Variants in BICRA observed in about 807,000 individuals in gnomAD.
BICRA encodes the protein BRD4 interacting chromatin remodeling complex associated protein.
In BICRA, 31 loss-of-function variants were observed where a neutral mutation model predicts 96.9. The observed-to-expected ratio is 0.32, with a 90% CI of 0.24 to 0.43. The LOEUF is 0.43. BICRA is among the 20% of genes least tolerant of loss of function. The pLI is 1.00. For missense variants in BICRA, 2,283 were observed against 2,190.3 expected, an observed-to-expected ratio of 1.04 and a Z score of -0.84; for synonymous variants, 1,350 against 1,071.8, an observed-to-expected ratio of 1.26 and a Z score of -5.07.
At chr19:47,616,638 C>CAA (rs755153037) in intron 1 of BICRA, among the ~76,000 whole-genome samples, 3 of 124,714 alleles carry the variant, frequency 2.4e-5, no homozygotes, top group Non-Finnish European at 5.2e-5. Flanking sequence ...GACTCTGTCT[C>CAA]AAAAAAAAAA....
rs1045727604 is a variant in BICRA, at chr19:47,701,761, C to T, written c.4029C>T (p.Ala1343=). The change falls in exon 15 of 15, where the codon GCC becomes GCT. Residue 1343 remains alanine (A), a synonymous_variant. Coordinates refer to ENST00000594866, the MANE Select transcript of BICRA (RefSeq NM_001394372.1). The surrounding 1 kb of genome is among the most constrained non-coding windows in gnomAD (Gnocchi z 5.4). ...PPPPPATLKV[A]EPPPRPPPPP... is the part of the protein sequence containing the mutation. ...CACCCCCCGCTACCCTCAAGGTGGC[C>T]GAGCCCCCGCCACGGCCGCCACCAC... is the stretch of plus-strand genomic sequence containing the variant. 1.1e-5 allele frequency: 17 copies of T among 1,538,182 alleles called. No individual in the cohort carries two copies. The Admixed American group carries it at 2.2e-4, about 20-fold the overall frequency.
chr19:47,681,910 C>A, intron 6 of BICRA, 66 bp from the exon 7 acceptor site: 1 of 1,115,182 alleles, frequency 9.0e-7, no homozygotes, highest in Middle Eastern at 2.4e-4. Flanking sequence ...GGGCAGGGGT[C>A]TCGGGTGGGG....
Position 47,698,165 on chromosome 19 carries a change from C to T in BICRA, c.3249-469C>T, listed in dbSNP as rs1409363922. The stretch of plus-strand genomic sequence containing the variant: ...CTGCCTGGTGGGGGAGACAGTCACA[C>T]TGCCAACAGACAAAACCCATTGTAA... On this transcript the variant is annotated intron_variant, in intron 11 of 14. Coordinates refer to ENST00000594866, the MANE Select transcript of BICRA (RefSeq NM_001394372.1). The surrounding 1 kb of genome is among the most constrained non-coding windows in gnomAD (Gnocchi z 4.8). Among the ~76,000 whole-genome samples, 4 of 152,120 alleles carry T rather than the reference C, an allele frequency of 2.6e-5. No individual in the cohort carries two copies. The highest frequency in any genetic ancestry group is 6.5e-5 in the Admixed American group (1 of 15,270).
chr19:47,645,551 A>G (rs1051262721), intron 1 of BICRA, among the ~76,000 whole-genome samples: 5 of 152,230 alleles, frequency 3.3e-5, no homozygotes, highest in Admixed American at 3.3e-4. Flanking sequence ...GTCTCTTAAC[A>G]TGAAAAGGTC....
chr19:47,663,797 C>CAA (rs2123564041), intron 1 of BICRA: 1 of 150,280 alleles, frequency 6.7e-6, no homozygotes, highest in Non-Finnish European at 1.5e-5. Flanking sequence ...TCGCAGTACA[C>CAA]ACACACACAC....
At position 47,627,030 on chromosome 19, in the gene BICRA, G is replaced by GTT. The variant is rs199636945; in HGVS notation, c.-108+17866_-108+17867dup. 3.9e-3 allele frequency among the ~76,000 whole-genome samples: 600 copies of GTT among 152,096 alleles called. 2 individuals carry two copies. Among genetic ancestry groups the GTT allele is most frequent in the African/African-American group, 0.013 (560 of 41,498 alleles). The stretch of plus-strand genomic sequence containing the variant: ...AGCCACCGCGCTTGGTCCACCCTGG[G>GTT]TTTTTATTCATCAAGCCTCGCTGCC... On this transcript the variant is annotated intron_variant, in intron 1 of 14. Coordinates refer to ENST00000594866, the MANE Select transcript of BICRA (RefSeq NM_001394372.1).
rs759108617 is a variant in BICRA, at chr19:47,698,805, C to A, written c.3397+23C>A. On this transcript the variant is annotated intron_variant, in intron 12 of 14. Coordinates refer to ENST00000594866, the MANE Select transcript of BICRA (RefSeq NM_001394372.1). The surrounding 1 kb of genome is among the most constrained non-coding windows in gnomAD (Gnocchi z 4.8). ...AAGGTGAGGCCTCCCCAGGACACGG[C>A]CCTATATGTCCCAGGGGACCCCAGC... The A allele has an allele frequency of 8.3e-6, 13 of 1,565,886 alleles. No homozygotes were observed. The highest frequency in any genetic ancestry group is 1.1e-5 in the Non-Finnish European group (13 of 1,150,546).
Position 47,698,650 on chromosome 19 carries a change from C to T in BICRA, c.3265C>T (p.His1089Tyr). The change falls in exon 12 of 15, where the codon CAC becomes TAC. Residue 1089 changes from histidine (H) to tyrosine (Y), a missense_variant. By Grantham distance (83) the His-to-Tyr change is moderately conservative (BLOSUM62 2). Coordinates refer to ENST00000594866, the MANE Select transcript of BICRA (RefSeq NM_001394372.1). This position sits in a 1 kb window ranked among gnomAD's most constrained non-coding sequence, Gnocchi z 4.8. ...SKEACFLEHL[H>Y]KHQGSVLHPD... ...CACCCGCAGTTTCCTGGAGCATTTG[C>T]ACAAACACCAGGGCTCCGTCCTGCA... The T allele has an allele frequency of 6.8e-7, 1 of 1,480,190 alleles. No individual in the cohort carries two copies. Among genetic ancestry groups the T allele is most frequent in the Non-Finnish European group, 9.2e-7 (1 of 1,086,226 alleles). 91.7% of individuals were successfully genotyped at this position (1,480,190 alleles called of 1,614,324 possible). A position where few individuals can be genotyped will look rare whatever the true frequency, so the allele number is the denominator to read the frequency against.
chr19:47,701,431 G>A lies in BICRA; in HGVS notation c.3699G>A (p.Gly1233=), dbSNP rs1383120012. Residue 1233 remains glycine (G), a synonymous_variant, in exon 15 of 15, where the codon GGG becomes GGA. Coordinates refer to ENST00000594866, the MANE Select transcript of BICRA (RefSeq NM_001394372.1). The surrounding 1 kb of genome is among the most constrained non-coding windows in gnomAD (Gnocchi z 5.4). ...GHGPLSSSAP[G]ASTQPPPHLP... ...GCCCCCTGTCGTCTTCAGCTCCCGG[G>A]GCCTCCACCCAGCCCCCTCCACACC... The A allele has an allele frequency of 2.5e-6, 4 of 1,581,230 alleles. No homozygotes were observed. The highest frequency in any genetic ancestry group is 3.4e-6 in the Non-Finnish European group (4 of 1,164,916).
Position 47,699,377 on chromosome 19 carries a change from G to T in BICRA, c.3567G>T (p.Leu1189Phe). 1 of 1,565,852 alleles carries T rather than the reference G, an allele frequency of 6.4e-7. No homozygotes were observed. Residue 1189 changes from leucine to phenylalanine, a missense_variant, in exon 14 of 15, where the codon TTG becomes TTT. Transcript: ENST00000594866. This position sits in a 1 kb window ranked among gnomAD's most constrained non-coding sequence, Gnocchi z 5.0. The part of the protein sequence containing the change: ...FIQEEKTTLA[L>F]DKQLAKEKPD... The stretch of plus-strand genomic sequence containing the variant: ...AGGAGGAGAAGACCACCCTTGCCTT[G>T]GATAAACAGCTGGCCAAGGAGAAGC...
intron 1 of BICRA, among the ~76,000 whole-genome samples, chr19:47,631,428 A>G (rs1007480378): frequency 2.0e-5 from 3 of 152,234 alleles, no homozygotes; most frequent in Admixed American, 1.3e-4. Flanking sequence ...GGGTTTCACC[A>G]TATTGGTCAG....
intron 1 of BICRA, among the ~76,000 whole-genome samples, chr19:47,650,929 T>C (rs1225235401): frequency 6.6e-6 from 1 of 152,204 alleles, no homozygotes; most frequent in Non-Finnish European, 1.5e-5. Flanking sequence ...TGACACCATC[T>C]GCCTGGCCCA....
chr19:47,609,645 C>T (rs1971867112), intron 1 of BICRA, among the ~76,000 whole-genome samples: 1 of 151,754 alleles, frequency 6.6e-6, no homozygotes, highest in Admixed American at 6.5e-5. Flanking sequence ...CCTCGCCCCG[C>T]TCCCCGCCTT....
Position 47,667,266 on chromosome 19 carries a change from T to C in BICRA, c.-107-3177T>C, listed in dbSNP as rs572114317. 1.1e-4 allele frequency among the ~76,000 whole-genome samples: 16 copies of C among 152,236 alleles called. No individual in the cohort carries two copies. The East Asian group carries it at 1.2e-3, about 11-fold the overall frequency. ...TCCTGACCTTGTGATCCGCCCGCCT[T>C]GGCCTCCCAAAGTGCTGGGATTACA... On this transcript the variant is annotated intron_variant, in intron 1 of 14. Coordinates refer to ENST00000594866, the MANE Select transcript of BICRA (RefSeq NM_001394372.1).
rs987374152 is a variant in BICRA at position 47,609,550 on chromosome 19, G to A, written c.-108+382G>A. Among the ~76,000 whole-genome samples the A allele has an allele frequency of 2.0e-5, 3 of 151,660 alleles. No homozygotes were observed. The South Asian group carries it at 6.3e-4, about 32-fold the overall frequency. On this transcript the variant is annotated intron_variant, in intron 1 of 14. Transcript: ENST00000594866. ...CCCGGCCCTCCCGCCGGCTGCCGGG[G>A]ATACAATGGAGCGGCGGAGAGAGGA...
Position 47,701,788 on chromosome 19 carries a change from A to G in BICRA, c.4056A>G (p.Pro1352=), listed in dbSNP as rs1568581830. Reference sequence around the variant, plus strand: ...AGCCCCCGCCACGGCCGCCACCACCACCGCCGCCCACGGGCCAGATGAACG... The same window carrying G: ...AGCCCCCGCCACGGCCGCCACCACCGCCGCCGCCCACGGGCCAGATGAACG... The part of the protein sequence containing the change: ...VAEPPPRPPP[P]PPPTGQMNGT... Residue 1352 remains proline (P), a synonymous_variant, in exon 15 of 15, where the codon CCA becomes CCG. Coordinates refer to ENST00000594866, the MANE Select transcript of BICRA (RefSeq NM_001394372.1). The surrounding 1 kb of genome is among the most constrained non-coding windows in gnomAD (Gnocchi z 5.4). The G allele has an allele frequency of 1.3e-6, 2 of 1,530,302 alleles. No individual in the cohort carries two copies. The highest frequency in any genetic ancestry group is 1.4e-5 in the African/African-American group (1 of 70,338). 94.8% of individuals were successfully genotyped at this position (1,530,302 alleles called of 1,614,324 possible).
chr19:47,685,609 A>C (rs975574833), intron 7 of BICRA, among the ~76,000 whole-genome samples: 10 of 152,166 alleles, frequency 6.6e-5, no homozygotes, highest in Non-Finnish European at 1.5e-5. Context: ...GCAGGAATGC[A>C]CGGAATAGCA....
intron 1 of BICRA, among the ~76,000 whole-genome samples, chr19:47,613,167 G>T (rs1971934301): frequency 6.6e-6 from 1 of 152,058 alleles, no homozygotes; most frequent in Non-Finnish European, 1.5e-5. Context: ...CTGTGGAAGG[G>T]CCAGGGGATC....
At chr19:47,633,080 CTTTT>C (rs34761702) in intron 1 of BICRA, among the ~76,000 whole-genome samples, 2 of 93,218 alleles carry the variant, frequency 2.1e-5, no homozygotes, top group Admixed American at 1.3e-4. Context: ...GATTTTATTT[CTTTT>C]TTTTTTTTTT....
Sources: allele counts gnomAD v4.1 joint callset (sites outside exome capture counted in the v4.1 genomes callset), GRCh38; gene constraint gnomAD v4.1.1; non-coding constraint Gnocchi (gnomAD v3.1); transcripts MANE v1.5; gene names NCBI Gene and HGNC (gene_info 2026-07-23, HGNC 2026-07-21).